The following CCDC50 variants were observed in gnomAD, a reference collection of about 807,000 sequenced individuals.
CCDC50 encodes coiled-coil domain-containing protein 50.
CCDC50 carries 54 observed loss-of-function variants against 70.2 expected under a neutral mutation model. That is an observed-to-expected ratio of 0.77 (90% CI 0.62 to 0.96). CCDC50 has a LOEUF of 0.96. Ranked by LOEUF, CCDC50 falls within the 50% of genes least tolerant of loss-of-function variation. The pLI is 0.00. For synonymous variants in CCDC50, 216 were observed against 198.8 expected (o/e 1.09, Z -0.73); for missense variants, 558 against 578.7 (o/e 0.96, Z 0.37).
At chr3:191,341,501 C>G (rs1278116943) in intron 1 of CCDC50, among the ~76,000 whole-genome samples, 1 of 152,126 alleles carries the variant, frequency 6.6e-6, no homozygotes, top group African/African-American at 2.4e-5. Flanking sequence ...TAAAAAAATT[C>G]AAAACAGATC....
intron 6 of CCDC50, among the ~76,000 whole-genome samples, chr3:191,376,983 G>T (rs1011534283): frequency 6.6e-6 from 1 of 152,206 alleles, no homozygotes; most frequent in South Asian, 2.1e-4. Context: ...TTATGCTCCA[G>T]GATATTTTAA....
intron 1 of CCDC50, among the ~76,000 whole-genome samples, chr3:191,345,399 A>G (rs893501245): frequency 2.6e-5 from 4 of 152,232 alleles, no homozygotes; most frequent in South Asian, 2.1e-4. Context: ...TTTAACCAAT[A>G]TAAGTAAAGA....
At chr3:191,356,032 C>T (rs1712268148) in intron 1 of CCDC50, among the ~76,000 whole-genome samples, 1 of 152,148 alleles carries the variant, frequency 6.6e-6, no homozygotes, top group Non-Finnish European at 1.5e-5. Flanking sequence ...AAATCCAAAG[C>T]TTCGGAAAGA....
At position 191,380,269 on chromosome 3, in the gene CCDC50, C is replaced by G. The variant is rs757322274; in HGVS notation, c.1087C>G (p.Leu363Val). 11 of 1,607,060 alleles carry G rather than the reference C, an allele frequency of 6.8e-6. No homozygotes were observed. The highest frequency in any genetic ancestry group is 1.1e-5 in the South Asian group (1 of 90,906). Residue 363 changes from leucine to valine, a missense_variant, in exon 7 of 12, where the codon CTT becomes GTT. By Grantham distance (32) the Leu-to-Val change is conservative. Coordinates refer to ENST00000392455, the MANE Select transcript of CCDC50 (RefSeq NM_178335.3). ...EIARKLQEEE[L>V]LATQVDMRAA... The stretch of plus-strand genomic sequence containing the variant: ...TGCCAGAAAACTGCAAGAAGAAGAA[C>G]TTTTGGTGAGCAAATTTTAAGGCAA...
intron 6 of CCDC50, among the ~76,000 whole-genome samples, chr3:191,378,594 AC>A (rs1553844169): frequency 2.0e-5 from 3 of 152,104 alleles, no homozygotes; most frequent in Non-Finnish European, 4.4e-5. Flanking sequence ...TATCTTGTCC[AC>A]TGACATTGCC....
chr3:191,386,092 C>T (rs1392085303), intron 10 of CCDC50, among the ~76,000 whole-genome samples: 2 of 151,918 alleles, frequency 1.3e-5, no homozygotes, highest in Admixed American at 6.6e-5. Context: ...AGGATTGCCT[C>T]GGCTATGTGG....
At chr3:191,338,489 C>T (rs966556205) in intron 1 of CCDC50, among the ~76,000 whole-genome samples, 1 of 152,218 alleles carries the variant, frequency 6.6e-6, no homozygotes, top group African/African-American at 2.4e-5. Flanking sequence ...AAGGGCTATT[C>T]ACTCTCAATG....
intron 4 of CCDC50, among the ~76,000 whole-genome samples, chr3:191,365,255 A>G (rs1306825613): frequency 6.6e-6 from 1 of 151,882 alleles, no homozygotes; most frequent in African/African-American, 2.4e-5. Flanking sequence ...TAAACTGCTC[A>G]GGGATAAACC....
chr3:191,392,294 G>T lies in CCDC50; in HGVS notation c.*534G>T, dbSNP rs1190164856. ...TGGAGCAATTGAAATATGTTATTCT[G>T]ACTAGATGGACTGTAGAGGTTTTGC... On this transcript the variant is annotated 3_prime_UTR_variant, in exon 12 of 12. Coordinates refer to ENST00000392455, the MANE Select transcript of CCDC50 (RefSeq NM_178335.3). The T allele has an allele frequency of 6.4e-6, 1 of 157,170 alleles. No individual in the cohort carries two copies. Among genetic ancestry groups the T allele is most frequent in the Non-Finnish European group, 1.4e-5 (1 of 71,028 alleles). 9.7% of individuals were successfully genotyped at this position (157,170 alleles called of 1,614,324 possible). A position where few individuals can be genotyped will look rare whatever the true frequency, so the allele number is the denominator to read the frequency against.
At chr3:191,384,834 G>A (rs1360599097) in intron 10 of CCDC50, among the ~76,000 whole-genome samples, 2 of 151,862 alleles carry the variant, frequency 1.3e-5, no homozygotes, top group Non-Finnish European at 2.9e-5. Flanking sequence ...CCTCCTTTTG[G>A]TGTTCCCAGT....
intron 1 of CCDC50, among the ~76,000 whole-genome samples, chr3:191,336,108 C>G (rs965440343): frequency 4.7e-5 from 7 of 150,478 alleles, no homozygotes; most frequent in African/African-American, 1.7e-4. Context: ...ACAGTAAAGT[C>G]ACTCTAAACA....
At chr3:191,356,381 G>A (rs536346677) in intron 1 of CCDC50, among the ~76,000 whole-genome samples, 1 of 152,312 alleles carries the variant, frequency 6.6e-6, no homozygotes, top group Non-Finnish European at 1.5e-5. Context: ...CTCTTCAGGT[G>A]GAGGCAGAGT....
intron 5 of CCDC50, among the ~76,000 whole-genome samples, chr3:191,370,490 T>G (rs187483442): frequency 0.057 from 8,471 of 149,876 alleles, 449 homozygotes; most frequent in East Asian, 0.24. Flanking sequence ...TTTTTTGTTT[T>G]TTTTTTTGTT....
intron 5 of CCDC50, among the ~76,000 whole-genome samples, chr3:191,373,410 A>G (rs1712982392): frequency 6.6e-6 from 1 of 152,180 alleles, no homozygotes; most frequent in Non-Finnish European, 1.5e-5. Flanking sequence ...TTAACTATTT[A>G]GAAGGAATTA....
intron 9 of CCDC50, among the ~76,000 whole-genome samples, chr3:191,381,479 A>C (rs920736817): frequency 3.5e-4 from 54 of 152,166 alleles, no homozygotes; most frequent in African/African-American, 1.2e-3. Flanking sequence ...CGTTGATCAG[A>C]AATTGTAGAC....
chr3:191,390,408 G>GAA (rs1713651196), intron 11 of CCDC50, among the ~76,000 whole-genome samples: 1 of 5,702 alleles, frequency 1.8e-4, no homozygotes, highest in Non-Finnish European at 5.8e-4. Flanking sequence ...CAAGAAGAAG[G>GAA]TTCGAATAAA....
In CCDC50 at chr3:191,392,085, C is replaced by A; in HGVS notation, c.*325C>A. 1 of 241,972 alleles carries A rather than the reference C, an allele frequency of 4.1e-6. No individual in the cohort carries two copies. Among genetic ancestry groups the A allele is most frequent in the Non-Finnish European group, 8.0e-6 (1 of 124,586 alleles). 15.0% of individuals were successfully genotyped at this position (241,972 alleles called of 1,614,324 possible). ...TATCTAGGGAGTAGGCCTTATTTAG[C>A]AATTCAAATTTTATGGAGATGAATG... is the stretch of plus-strand genomic sequence containing the variant. On this transcript the variant is annotated 3_prime_UTR_variant, in exon 12 of 12. Transcript: ENST00000392455.
Position 191,360,682 on chromosome 3 carries a change from T to C in CCDC50, c.240-387T>C, listed in dbSNP as rs1263729971. On this transcript the variant is annotated intron_variant, in intron 3 of 11. Coordinates refer to ENST00000392455, the MANE Select transcript of CCDC50 (RefSeq NM_178335.3). ...ATGTGAAGTTACTAAGTGTACACTT[T>C]TTTATAGCTTATAACATGGCATGAC... 2.0e-5 allele frequency among the ~76,000 whole-genome samples: 3 copies of C among 152,238 alleles called. No homozygotes were observed. In the East Asian group the frequency reaches 5.8e-4, roughly 29 times the overall value.
rs1712007009 is a variant in CCDC50 at position 191,348,723 on chromosome 3, C to G, written c.50-8365C>G. ...TAACAAAATAAATGAAGATGGAACA[C>G]CTATGTAGATTATTTGCTTAGCTTC... is the stretch of plus-strand genomic sequence containing the variant. On this transcript the variant is annotated intron_variant, in intron 1 of 11. Coordinates refer to ENST00000392455, the MANE Select transcript of CCDC50 (RefSeq NM_178335.3). 1.4e-5 allele frequency among the ~76,000 whole-genome samples: 2 copies of G among 141,956 alleles called. 1 individual carries two copies. Among genetic ancestry groups the G allele is most frequent in the Admixed American group, 1.4e-4 (2 of 13,912 alleles). 93.1% of individuals were successfully genotyped at this position (141,956 alleles called of 152,430 possible).
Sources: allele counts gnomAD v4.1 joint callset (sites outside exome capture counted in the v4.1 genomes callset), GRCh38; gene constraint gnomAD v4.1.1; transcripts MANE v1.5; gene names NCBI Gene and HGNC (gene_info 2026-07-23, HGNC 2026-07-21).